The following PGBD2 variants were observed in gnomAD, a reference collection of about 807,000 sequenced individuals.
PGBD2 encodes piggyBac transposable element derived 2.
A neutral mutation model predicts 8.1 loss-of-function variants in PGBD2; 6 were observed. That is an observed-to-expected ratio of 0.74 (90% confidence interval 0.40 to 1.46). The LOEUF is 1.46. PGBD2 is among the 40% of genes most tolerant of loss of function. The probability of loss-of-function intolerance (pLI) is 0.02; values close to 1 mark genes in which losing one functional copy is unlikely to be tolerated. For missense variants in PGBD2, 802 were observed against 739.0 expected, an observed-to-expected ratio of 1.09 and a Z score of -0.99; for synonymous variants, 318 against 272.2, an observed-to-expected ratio of 1.17 and a Z score of -1.66.
At chr1:248,894,699 C>CT in the PGBD2 span, among the ~76,000 whole-genome samples, 1 of 135,718 alleles carries the variant, frequency 7.4e-6, no homozygotes, top group African/African-American at 3.5e-5. Flanking sequence ...CCCTCCCTCC[C>CT]TCCTTTCTTT....
chr1:248,922,153 G>A (rs555682560), downstream of PGBD2, among the ~76,000 whole-genome samples: 6 of 150,976 alleles, frequency 4.0e-5, no homozygotes, highest in Non-Finnish European at 7.4e-5. Flanking sequence ...TCCGCCTCCC[G>A]GGTTCACGCC....
chr1:248,888,234 T>A, the PGBD2 span, among the ~76,000 whole-genome samples: 3 of 152,308 alleles, frequency 2.0e-5, no homozygotes, highest in South Asian at 2.1e-4. Flanking sequence ...AGCGCAGGTG[T>A]CTTTTTGGTA....
chr1:248,915,143 G>A (rs1662048232), intron 2 of PGBD2, among the ~76,000 whole-genome samples: 1 of 152,188 alleles, frequency 6.6e-6, no homozygotes, highest in South Asian at 2.1e-4. Flanking sequence ...ACACCATCCT[G>A]CATAGCTACT....
chr1:248,880,260 G>A, the PGBD2 span, among the ~76,000 whole-genome samples: 1 of 152,202 alleles, frequency 6.6e-6, no homozygotes, highest in Non-Finnish European at 1.5e-5. Context: ...CATGTGAGCA[G>A]TTTTGGACCA....
chr1:248,917,178 G>T lies in PGBD2; in HGVS notation c.594G>T (p.Arg198Ser). The change falls in exon 3 of 3, where the codon AGG (arginine) becomes AGT (serine). Residue 198 changes from arginine (R) to serine (S), a missense_variant. Arg to Ser is a moderately radical substitution (Grantham distance 110). Coordinates refer to ENST00000329291, the MANE Select transcript of PGBD2 (RefSeq NM_170725.3). The stretch of plus-strand genomic sequence containing the variant: ...GGTACATCTCTTATCCAAGGAGAAG[G>T]ATGTTCTGGGAAACCTCTCCCGATT... ...LSGYISYPRR[R>S]MFWETSPDSH... 6.2e-7 allele frequency: 1 copy of T among 1,614,098 alleles called. No individual in the cohort carries two copies. The highest frequency in any genetic ancestry group is 8.5e-7 in the Non-Finnish European group (1 of 1,180,018).
At chr1:248,914,479 A>C (rs1252034804) in intron 2 of PGBD2, 1 of 1,288,290 alleles carries the variant, frequency 7.8e-7, no homozygotes, top group Non-Finnish European at 1.0e-6. Context: ...GGAGGTCAGC[A>C]TGGCAGCTGA....
upstream of PGBD2, among the ~76,000 whole-genome samples, chr1:248,902,831 G>T (rs1425184070): frequency 6.6e-6 from 1 of 152,086 alleles, no homozygotes; most frequent in Admixed American, 6.5e-5. Flanking sequence ...GGGGTGGGGT[G>T]GCGGGGAACA....
the PGBD2 span, among the ~76,000 whole-genome samples, chr1:248,875,480 C>T: frequency 6.6e-6 from 1 of 152,086 alleles, no homozygotes; most frequent in Non-Finnish European, 1.5e-5. Context: ...CCCAATTGGC[C>T]TTAAAATGTC....
At chr1:248,875,308 CA>C in the PGBD2 span, among the ~76,000 whole-genome samples, 4,264 of 110,358 alleles carry the variant, frequency 0.039, 106 homozygotes, top group African/African-American at 0.087. Flanking sequence ...AAAAACAAAA[CA>C]AAAAAAAAAA....
the PGBD2 span, among the ~76,000 whole-genome samples, chr1:248,889,102 A>G: frequency 6.6e-6 from 1 of 152,142 alleles, no homozygotes; most frequent in Non-Finnish European, 1.5e-5. Context: ...AATGAAATAC[A>G]TGGGCCGGTA....
the PGBD2 span, among the ~76,000 whole-genome samples, chr1:248,889,022 C>T: frequency 6.6e-6 from 1 of 151,978 alleles, no homozygotes; most frequent in East Asian, 1.9e-4. Context: ...GGCTTTGATG[C>T]ATTCTAAGTG....
the PGBD2 span, among the ~76,000 whole-genome samples, chr1:248,882,383 C>T: frequency 3.3e-5 from 5 of 152,070 alleles, no homozygotes; most frequent in African/African-American, 7.2e-5. Context: ...ATAGTGTGTG[C>T]ATCAGTAATT....
the PGBD2 span, among the ~76,000 whole-genome samples, chr1:248,883,224 A>G: frequency 6.6e-6 from 1 of 151,972 alleles, no homozygotes; most frequent in Non-Finnish European, 1.5e-5. Flanking sequence ...CCCAGGTTCA[A>G]GTGATTCTCC....
chr1:248,894,701 C>G, the PGBD2 span, among the ~76,000 whole-genome samples: 1 of 129,932 alleles, frequency 7.7e-6, no homozygotes, highest in African/African-American at 3.8e-5. Context: ...CTCCCTCCCT[C>G]CTTTCTTTCT....
chr1:248,926,858 A>G, the PGBD2 span, among the ~76,000 whole-genome samples: 1 of 151,896 alleles, frequency 6.6e-6, no homozygotes, highest in Non-Finnish European at 1.5e-5. Flanking sequence ...TAAACTCCAA[A>G]TACCTATGAA....
chr1:248,900,287 C>T, the PGBD2 span, among the ~76,000 whole-genome samples: 1 of 151,880 alleles, frequency 6.6e-6, no homozygotes, highest in African/African-American at 2.4e-5. Flanking sequence ...ACAACAACAA[C>T]AAAAAAACAG....
chr1:248,887,113 T>C, the PGBD2 span, among the ~76,000 whole-genome samples: 2 of 151,392 alleles, frequency 1.3e-5, no homozygotes, highest in South Asian at 4.1e-4. Context: ...GTTACAAAAA[T>C]TATAAAAAAA....
chr1:248,873,930 G>A, the PGBD2 span, among the ~76,000 whole-genome samples: 4 of 152,198 alleles, frequency 2.6e-5, no homozygotes, highest in African/African-American at 9.6e-5. Context: ...GTCTCCGGAT[G>A]GAGGCGTGGG....
Position 248,917,358 on chromosome 1 carries a change from G to A in PGBD2, c.774G>A (p.Lys258=). The A allele has an allele frequency of 1.2e-6, 2 of 1,614,178 alleles. No individual in the cohort carries two copies. The highest frequency in any genetic ancestry group is 8.5e-7 in the Non-Finnish European group (1 of 1,180,034). ...LIIRMNCNFQ[K]HAPLEEFYSF... ...TCCGGATGAACTGCAATTTCCAGAA[G>A]CATGCACCCTTGGAAGAGTTCTACA... The change falls in exon 3 of 3, where the codon AAG becomes AAA. Residue 258 remains lysine (K), a synonymous_variant. Coordinates refer to ENST00000329291, the MANE Select transcript of PGBD2 (RefSeq NM_170725.3).
Sources: allele counts gnomAD v4.1 joint callset (sites outside exome capture counted in the v4.1 genomes callset), GRCh38; gene constraint gnomAD v4.1.1; transcripts MANE v1.5; gene names NCBI Gene and HGNC (gene_info 2026-07-23, HGNC 2026-07-21).